The following IGSF9B variants were observed in gnomAD, a reference collection of about 807,000 sequenced individuals.
IGSF9B encodes the protein protein turtle homolog B.
IGSF9B carries 48 observed loss-of-function variants against 143.7 expected under a neutral mutation model. The ratio of observed to expected loss-of-function variants is 0.33; its 90% confidence interval spans 0.26 to 0.42. The LOEUF is 0.42. Among genes scored for constraint, IGSF9B ranks in the 20% least tolerant of loss-of-function variants. The pLI, the probability that IGSF9B is intolerant of heterozygous loss-of-function variation, is 1.00. For missense variants in IGSF9B, 1,706 were observed against 1,980.0 expected (o/e 0.86, Z 2.63); for synonymous variants, 903 against 833.1 (o/e 1.08, Z -1.44).
rs979794961 is a variant in IGSF9B, at chr11:133,921,208, G to C, written c.2517C>G (p.Ala839=). 1 of 1,609,060 alleles carries C rather than the reference G, an allele frequency of 6.2e-7. No homozygotes were observed. The highest frequency in any genetic ancestry group is 1.7e-5 in the Admixed American group (1 of 59,948). Residue 839 remains alanine (A), a synonymous_variant, in exon 18 of 20, where the codon GCC becomes GCG. Transcript: ENST00000533871. ...SKKYSVAKAE[A]EAEATTPIEL... is the part of the protein sequence containing the mutation. ...CGATGGGCGTGGTGGCCTCTGCCTC[G>C]GCCTCTGCCTTGGCCACGCTGTACT...
At chr11:133,919,080 G>A (rs1002551890) in intron 18 of IGSF9B, 1 of 477,600 alleles carries the variant, frequency 2.1e-6, no homozygotes, top group Non-Finnish European at 4.2e-6. Context: ...CTGGTCGCGG[G>A]AGCTGGTCTG....
chr11:133,948,489 C>G lies in IGSF9B; in HGVS notation c.65-2231G>C, dbSNP rs1940099446. Among the ~76,000 whole-genome samples, 1 of 152,128 alleles carries G rather than the reference C, an allele frequency of 6.6e-6. No homozygotes were observed. The highest frequency in any genetic ancestry group is 1.5e-5 in the Non-Finnish European group (1 of 68,024). On this transcript the variant is annotated intron_variant, in intron 1 of 19. Transcript: ENST00000533871. The surrounding 1 kb of genome is among the most constrained non-coding windows in gnomAD (Gnocchi z 4.7). ...AAGCAGGGAGAGTGCCCAGCTGCAG[C>G]CTCACCTCCCCCACAGCCCCAGGGG...
chr11:133,954,778 TAAGA>T (rs1940220175), intron 1 of IGSF9B, among the ~76,000 whole-genome samples: 1 of 152,196 alleles, frequency 6.6e-6, no homozygotes, highest in South Asian at 2.1e-4. Context: ...CAATTGAGGC[TAAGA>T]AAGACCCCAA....
chr11:133,917,064 T>C (rs1939397905), intron 18 of IGSF9B, among the ~76,000 whole-genome samples: 1 of 152,168 alleles, frequency 6.6e-6, no homozygotes, highest in Non-Finnish European at 1.5e-5. Context: ...ATGAGATTTA[T>C]AGCCCTGGTT....
rs1048721633 is a variant in IGSF9B at position 133,945,189 on chromosome 11, G to A, written c.263-823C>T. Among the ~76,000 whole-genome samples the A allele has an allele frequency of 6.6e-6, 1 of 152,172 alleles. No homozygotes were observed. The highest frequency in any genetic ancestry group is 2.4e-5 in the African/African-American group (1 of 41,438). On this transcript the variant is annotated intron_variant, in intron 2 of 19. Transcript: ENST00000533871. This position sits in a 1 kb window ranked among gnomAD's most constrained non-coding sequence, Gnocchi z 4.6. ...GGTCGGCCCACCTCACCCGCTCTTA[G>A]CTCACCCCTCACCGCAGCCAATATC... is the stretch of plus-strand genomic sequence containing the variant.
At chr11:133,933,348 G>C (rs984223630) in intron 7 of IGSF9B, among the ~76,000 whole-genome samples, 10 of 152,212 alleles carry the variant, frequency 6.6e-5, no homozygotes, top group Non-Finnish European at 1.3e-4. Context: ...GCCAAAAGAA[G>C]AACACTATCA....
chr11:133,902,547 CACCACATACACA>C lies in IGSF9B; in HGVS notation c.*6510_*6521del. Among the ~76,000 whole-genome samples, 1 of 140,640 alleles carries C rather than the reference CACCACATACACA, an allele frequency of 7.1e-6. No individual in the cohort carries two copies. The allele number at this position is 140,640 out of a possible 152,430, so 92.3% of individuals were successfully genotyped here. On this transcript the variant is annotated 3_prime_UTR_variant, in exon 20 of 20. Transcript: ENST00000533871. The stretch of plus-strand genomic sequence containing the variant: ...GCACACCACACACATATACCACACA[CACCACATACACA>C]CACACACCCCACACACACACACACA...
At chr11:133,917,908 G>A (rs1199042069) in intron 18 of IGSF9B, among the ~76,000 whole-genome samples, 3 of 152,086 alleles carry the variant, frequency 2.0e-5, no homozygotes, top group African/African-American at 7.2e-5. Flanking sequence ...CAGATCTCGG[G>A]TGTTCTGGGC....
intron 3 of IGSF9B, among the ~76,000 whole-genome samples, chr11:133,938,761 C>T (rs1225316682): frequency 6.6e-6 from 1 of 152,128 alleles, no homozygotes; most frequent in Non-Finnish European, 1.5e-5. Flanking sequence ...TAGGCTGGCG[C>T]AGGTCAAGCT....
chr11:133,935,804 G>A, intron 6 of IGSF9B, 42 bp from the exon 7 acceptor site: 1 of 1,595,852 alleles, frequency 6.3e-7, no homozygotes, highest in Non-Finnish European at 8.5e-7. Flanking sequence ...CGAGCAGAAG[G>A]GGATCTTGCC....
intron 3 of IGSF9B, among the ~76,000 whole-genome samples, 199 bp downstream of exon 3, chr11:133,944,021 C>T (rs1939997999): frequency 6.6e-6 from 1 of 152,252 alleles, no homozygotes; most frequent in Admixed American, 6.5e-5. Flanking sequence ...ACCTGCACTG[C>T]CTGCACAGGC....
At position 133,897,270 on chromosome 11, in the gene IGSF9B, C is replaced by G. The variant is rs533633755; in HGVS notation, c.*11799G>C. 5 of 152,402 alleles carry G rather than the reference C, an allele frequency of 3.3e-5. No individual in the cohort carries two copies. Among genetic ancestry groups the G allele is most frequent in the Admixed American group, 3.3e-4 (5 of 15,304 alleles). The allele number at this position is 152,402 out of a possible 1,614,324, so 9.4% of individuals were successfully genotyped here. ...ACACCGCCCCACTCCCAGAGCCAAC[C>G]TGGGCCTCCCTTCAAGCTCGTACTT... On this transcript the variant is annotated 3_prime_UTR_variant, in exon 20 of 20. Transcript: ENST00000533871.
chr11:133,954,815 T>C (rs1940220653), intron 1 of IGSF9B, among the ~76,000 whole-genome samples: 1 of 152,108 alleles, frequency 6.6e-6, no homozygotes, highest in Admixed American at 6.6e-5. Context: ...CACCCTCTGC[T>C]TCCAGACAGG....
rs767938107 is a variant in IGSF9B at position 133,932,231 on chromosome 11, A to G, written c.968-18T>C. 3.9e-6 allele frequency: 6 copies of G among 1,545,968 alleles called. No homozygotes were observed. The South Asian group carries it at 6.0e-5, about 15-fold the overall frequency. On this transcript the variant is annotated intron_variant, in intron 7 of 19. Transcript: ENST00000533871. ...CGCTGGGTCTGCATAGAGGAAGCGC[A>G]GGTGAGAGAGCAGACAGACAGACAC... is the stretch of plus-strand genomic sequence containing the variant.
intron 3 of IGSF9B, among the ~76,000 whole-genome samples, chr11:133,940,321 A>C (rs1368446684): frequency 1.6e-5 from 2 of 128,118 alleles, no homozygotes; most frequent in Non-Finnish European, 3.2e-5. Context: ...CGCACGCAGA[A>C]ACATACACCT....
chr11:133,926,092 C>G, intron 13 of IGSF9B, 127 bp from the exon 14 acceptor site: 2 of 664,906 alleles, frequency 3.0e-6, no homozygotes, highest in Non-Finnish European at 5.3e-6. Context: ...GGGCCCAGGG[C>G]TTCAGGGTTC....
At chr11:133,918,339 G>C (rs1555086052) in intron 18 of IGSF9B, among the ~76,000 whole-genome samples, 1 of 151,758 alleles carries the variant, frequency 6.6e-6, no homozygotes, top group South Asian at 2.1e-4. Context: ...TACCAACACC[G>C]GCCGGGGGGC....
intron 7 of IGSF9B, among the ~76,000 whole-genome samples, chr11:133,933,136 C>T (rs755006637): frequency 2.6e-4 from 39 of 152,284 alleles, no homozygotes; most frequent in Non-Finnish European, 5.4e-4. Flanking sequence ...CTCAGATGCA[C>T]GTCCGAGCCT....
chr11:133,950,259 G>A (rs570884536), intron 1 of IGSF9B, among the ~76,000 whole-genome samples: 74 of 152,328 alleles, frequency 4.9e-4, no homozygotes, highest in African/African-American at 1.6e-3. Context: ...CTCTGAATAC[G>A]GAGGAAGGTG....
Sources: gnomAD v4.1 joint callset for allele counts (sites outside exome capture counted in the v4.1 genomes callset) on GRCh38, gnomAD v4.1.1 for gene constraint, Gnocchi (gnomAD v3.1) non-coding constraint, MANE v1.5 for transcripts, NCBI Gene and HGNC (gene_info 2026-07-23, HGNC 2026-07-21) for gene names.